Variants in MTMR7 observed in about 807,000 individuals in gnomAD.
MTMR7 encodes the protein phosphatidylinositol-3-phosphate phosphatase MTMR7.
In MTMR7, 76 loss-of-function variants were observed where a neutral mutation model predicts 81.2. The observed-to-expected ratio is 0.94, with a 90% CI of 0.78 to 1.13. The LOEUF is 1.13. Among genes scored for constraint, MTMR7 ranks in the 50% most tolerant of loss-of-function variants. The pLI is 0.00. For missense variants in MTMR7, 1,044 were observed against 820.0 expected, an observed-to-expected ratio of 1.27 and a Z score of -3.34; for synonymous variants, 372 against 289.8, an observed-to-expected ratio of 1.28 and a Z score of -2.88.
intron 13 of MTMR7, chr8:17,301,769 T>C (rs1376889827): frequency 8.7e-6 from 2 of 228,994 alleles, no homozygotes; most frequent in Non-Finnish European, 1.7e-5. Flanking sequence ...TAGATTAATA[T>C]CATAGTTAAC....
chr8:17,297,087 A>T lies in MTMR7; in HGVS notation c.*2775T>A, dbSNP rs1039791830. On this transcript the variant is annotated 3_prime_UTR_variant, in exon 14 of 14. Coordinates refer to ENST00000180173, the MANE Select transcript of MTMR7 (RefSeq NM_004686.5). ...TATATTTTCTTCATAAAAATTGGTC[A>T]CATCGGAGAAGCAGTGCCACAGGAA... 8 of 152,186 alleles carry T rather than the reference A, an allele frequency of 5.3e-5. No homozygotes were observed. The highest frequency in any genetic ancestry group is 1.0e-4 in the Non-Finnish European group (7 of 68,016). The allele number at this position is 152,186 out of a possible 1,614,324, so 9.4% of individuals were successfully genotyped here. A position where few individuals can be genotyped will look rare whatever the true frequency, so the allele number is the denominator to read the frequency against.
At chr8:17,311,726 C>A in intron 8 of MTMR7, 90 bp from the exon 9 acceptor site, 1 of 1,571,026 alleles carries the variant, frequency 6.4e-7, no homozygotes, top group Non-Finnish European at 8.6e-7. Flanking sequence ...TGTATATTTA[C>A]AGAAAGAAAC....
intron 7 of MTMR7, among the ~76,000 whole-genome samples, chr8:17,325,704 T>C (rs927290629): frequency 1.3e-5 from 2 of 152,188 alleles, no homozygotes; most frequent in African/African-American, 4.8e-5. Context: ...ATGTCTTGTT[T>C]ATTAAATCAT....
intron 1 of MTMR7, among the ~76,000 whole-genome samples, chr8:17,407,657 C>T (rs780759613): frequency 5.3e-5 from 8 of 151,104 alleles, no homozygotes; most frequent in Non-Finnish European, 8.8e-5. Flanking sequence ...AAATATGGTA[C>T]GTTTAAAGAA....
Position 17,376,570 on chromosome 8 carries a change from T to A in MTMR7, c.25-3330A>T, listed in dbSNP as rs549506086. On this transcript the variant is annotated intron_variant, in intron 1 of 13. Transcript: ENST00000180173. Reference sequence around the variant, plus strand: ...ATTCCTACCACCAATATACAAGGGTTCCAACTTCTCCACATCCTTGATAAC... The same window carrying A: ...ATTCCTACCACCAATATACAAGGGTACCAACTTCTCCACATCCTTGATAAC... 3.3e-5 allele frequency among the ~76,000 whole-genome samples: 5 copies of A among 152,306 alleles called. No homozygotes were observed. In the South Asian group the frequency reaches 1.0e-3, roughly 32 times the overall value.
intron 1 of MTMR7, among the ~76,000 whole-genome samples, chr8:17,397,911 G>C (rs1052352928): frequency 2.0e-5 from 3 of 152,138 alleles, no homozygotes; most frequent in African/African-American, 7.2e-5. Flanking sequence ...TAAAGGAAGA[G>C]AAAAAGACTA....
At chr8:17,372,641 A>T (rs1433170421) in intron 2 of MTMR7, among the ~76,000 whole-genome samples, 1 of 152,074 alleles carries the variant, frequency 6.6e-6, no homozygotes, top group Non-Finnish European at 1.5e-5. Flanking sequence ...TCAAATATCT[A>T]ATGGTTTCAT....
At chr8:17,398,204 G>C (rs1013321829) in intron 1 of MTMR7, among the ~76,000 whole-genome samples, 6 of 152,112 alleles carry the variant, frequency 3.9e-5, no homozygotes, top group Non-Finnish European at 7.3e-5. Flanking sequence ...ATGAACCAAG[G>C]CACCAGGAAA....
Position 17,311,608 on chromosome 8 carries a change from A to G in MTMR7, c.1004T>C (p.Leu335Pro), listed in dbSNP as rs1255590138. ...KAVSEEGASVLVHCSDGWDRT... is the reference protein window; with the variant it reads ...KAVSEEGASVPVHCSDGWDRT... Reference sequence around the variant, plus strand: ...GTCCCAGCCATCAGAACAGTGAACAAGCACACTTGCCCCTTCCTCTGACAC... The same window carrying G: ...GTCCCAGCCATCAGAACAGTGAACAGGCACACTTGCCCCTTCCTCTGACAC... Residue 335 changes from leucine (L) to proline (P), a missense_variant, in exon 9 of 14, where the codon CTT becomes CCT. Transcript: ENST00000180173. 6.2e-7 allele frequency: 1 copy of G among 1,614,036 alleles called. No individual in the cohort carries two copies. Among genetic ancestry groups the G allele is most frequent in the Non-Finnish European group, 8.5e-7 (1 of 1,180,032 alleles).
chr8:17,323,231 G>C (rs1467923575), intron 7 of MTMR7, among the ~76,000 whole-genome samples: 1 of 151,956 alleles, frequency 6.6e-6, no homozygotes, highest in African/African-American at 2.4e-5. Flanking sequence ...ACAGGTATGA[G>C]CCACCACACC....
rs1816990619 is a variant in MTMR7, at chr8:17,299,875, A to G, written c.1970T>C (p.Phe657Ser). 1.2e-6 allele frequency: 2 copies of G among 1,614,088 alleles called. No individual in the cohort carries two copies. The highest frequency in any genetic ancestry group is 1.1e-5 in the South Asian group (1 of 91,072). ...GKDRDSDEAV[F>S]LTA ...CAAAGGGAAACTTCAGGCAGTGAGA[A>G]ACACGGCTTCATCAGAATCCCGGTC... The change falls in exon 14 of 14, where the codon TTT becomes TCT. Residue 657 changes from phenylalanine (F) to serine (S), a missense_variant. Physicochemically the swap from Phe to Ser is radical, Grantham distance 155. Transcript: ENST00000180173.
At chr8:17,335,049 C>T (rs1313890896) in intron 6 of MTMR7, among the ~76,000 whole-genome samples, 1 of 152,188 alleles carries the variant, frequency 6.6e-6, no homozygotes, top group East Asian at 1.9e-4. Flanking sequence ...AACTGAGGCT[C>T]CACCTGTGGC....
intron 4 of MTMR7, among the ~76,000 whole-genome samples, chr8:17,353,285 G>A (rs1819782014): frequency 6.6e-6 from 1 of 152,134 alleles, no homozygotes. Flanking sequence ...AGGGGCTGTG[G>A]TAGGTGGGAA....
intron 7 of MTMR7, among the ~76,000 whole-genome samples, chr8:17,318,197 C>T (rs2269689): frequency 0.18 from 27,188 of 151,944 alleles, 2,550 homozygotes; most frequent in East Asian, 0.29. Context: ...GTTTGGGATC[C>T]GAACACACCT....
intron 7 of MTMR7, among the ~76,000 whole-genome samples, chr8:17,327,641 TAAAA>T (rs56151155): frequency 6.7e-6 from 1 of 148,630 alleles, no homozygotes; most frequent in Non-Finnish European, 1.5e-5. Context: ...AGAAACCTGG[TAAAA>T]AAAAAAACTA....
At chr8:17,306,534 G>C (rs1469746789) in intron 10 of MTMR7, among the ~76,000 whole-genome samples, 3 of 152,148 alleles carry the variant, frequency 2.0e-5, no homozygotes, top group Non-Finnish European at 4.4e-5. Flanking sequence ...CTTTTCAAGA[G>C]CACATCAGAC....
intron 5 of MTMR7, among the ~76,000 whole-genome samples, chr8:17,342,819 T>A (rs73212021): frequency 2.4e-3 from 370 of 151,702 alleles, no homozygotes; most frequent in Non-Finnish European, 3.8e-3. Context: ...AGCAGCAGAG[T>A]CACTCCAGGG....
chr8:17,407,580 A>T (rs1821624257), intron 1 of MTMR7, among the ~76,000 whole-genome samples: 1 of 150,698 alleles, frequency 6.6e-6, no homozygotes, highest in Non-Finnish European at 1.5e-5. Flanking sequence ...GGTAAATATA[A>T]TGACATTTCC....
intron 1 of MTMR7, among the ~76,000 whole-genome samples, chr8:17,410,185 G>A (rs1467869335): frequency 3.9e-5 from 6 of 152,294 alleles, no homozygotes; most frequent in South Asian, 2.1e-4. Context: ...AGACTAGGGG[G>A]TAGGTGTACC....
Sources: allele counts gnomAD v4.1 joint callset (sites outside exome capture counted in the v4.1 genomes callset), GRCh38; gene constraint gnomAD v4.1.1; transcripts MANE v1.5; gene names NCBI Gene and HGNC (gene_info 2026-07-23, HGNC 2026-07-21).